The following GCNT2 variants were observed in gnomAD, a reference collection of about 807,000 sequenced individuals.
The protein encoded by GCNT2 is glucosaminyl (N-acetyl) transferase 2 (I blood group), also known as N-acetyllactosaminide beta-1,6-N-acetylglucosaminyl-transferase.
In GCNT2, 34 loss-of-function variants were observed where a neutral mutation model predicts 34.2. The observed-to-expected ratio is 1.00, with a 90% confidence interval of 0.76 to 1.32. The LOEUF (loss-of-function observed/expected upper bound fraction) is 1.32, where lower values mean the gene tolerates loss of function less well. Among genes scored for constraint, GCNT2 ranks in the 40% most tolerant of loss-of-function variants. The probability of loss-of-function intolerance (pLI) is 0.00; values close to 1 mark genes in which losing one functional copy is unlikely to be tolerated. For missense variants in GCNT2, 584 were observed against 489.4 expected, an observed-to-expected ratio of 1.19 and a Z score of -1.82; for synonymous variants, 212 against 188.0, an observed-to-expected ratio of 1.13 and a Z score of -1.04.
chr6:10,553,781 C>A (rs2113647940), intron 3 of GCNT2, among the ~76,000 whole-genome samples: 2 of 152,332 alleles, frequency 1.3e-5, no homozygotes, highest in Admixed American at 1.3e-4. Context: ...GTAATCCCAG[C>A]TACTTGTGAG....
chr6:10,570,513 T>A (rs1314171290), intron 3 of GCNT2, among the ~76,000 whole-genome samples: 1 of 152,256 alleles, frequency 6.6e-6, no homozygotes, highest in Non-Finnish European at 1.5e-5. Context: ...GATACTCATG[T>A]CATACTGATA....
rs1764080857 is a variant in GCNT2 at position 10,581,843 on chromosome 6, A to C, written c.926-39508A>C. ...ACCTGCCAAGGACAAATTTTACAGAAAAGGGTGTGGTTCTAGTAAGAATGA... is the reference window on the plus strand; with the variant it reads ...ACCTGCCAAGGACAAATTTTACAGACAAGGGTGTGGTTCTAGTAAGAATGA... On this transcript the variant is annotated intron_variant, in intron 3 of 4. Transcript: ENST00000495262. 9 of 984,916 alleles carry C rather than the reference A, an allele frequency of 9.1e-6. No homozygotes were observed. In the South Asian group the frequency reaches 4.2e-4, roughly 46 times the overall value. 61.0% of individuals were successfully genotyped at this position (984,916 alleles called of 1,614,324 possible).
chr6:10,582,615 T>C (rs1376988410), intron 3 of GCNT2, among the ~76,000 whole-genome samples: 1 of 134,222 alleles, frequency 7.5e-6, no homozygotes, highest in Non-Finnish European at 1.6e-5. Context: ...TTTATATAAA[T>C]ATATATATTT....
chr6:10,619,314 T>C (rs760712965), intron 3 of GCNT2: 3 of 152,144 alleles, frequency 2.0e-5, no homozygotes, highest in Non-Finnish European at 2.9e-5. Flanking sequence ...CCCCAGTAGC[T>C]GGGACTACAA....
intron 3 of GCNT2, among the ~76,000 whole-genome samples, chr6:10,592,352 T>C (rs1050398444): frequency 1.6e-4 from 24 of 152,220 alleles, no homozygotes; most frequent in Non-Finnish European, 2.9e-4. Context: ...TGGACCAGTC[T>C]GGCTTATTTA....
chr6:10,605,223 T>TC, intron 3 of GCNT2, among the ~76,000 whole-genome samples: 1 of 146,292 alleles, frequency 6.8e-6, no homozygotes, highest in East Asian at 2.0e-4. Flanking sequence ...TTTTTTTTTT[T>TC]TTTTTTTTTT....
In GCNT2 at chr6:10,626,799, A is replaced by G; in HGVS notation, c.*192A>G. ...ATACACTAACAGGATGGCTGGGTAG[A>G]GCAATCTGGGCACTTTGGCCAATTT... is the stretch of plus-strand genomic sequence containing the variant. On this transcript the variant is annotated 3_prime_UTR_variant, in exon 5 of 5. Transcript: ENST00000495262. 1 of 592,444 alleles carries G rather than the reference A, an allele frequency of 1.7e-6. No homozygotes were observed. The highest frequency in any genetic ancestry group is 3.0e-6 in the Non-Finnish European group (1 of 331,394). 36.7% of individuals were successfully genotyped at this position (592,444 alleles called of 1,614,324 possible).
At chr6:10,597,159 T>A (rs1764890217) in intron 3 of GCNT2, among the ~76,000 whole-genome samples, 1 of 148,896 alleles carries the variant, frequency 6.7e-6, no homozygotes. Flanking sequence ...TTGCCTTTTT[T>A]TTTTTTTTTT....
At chr6:10,621,064 C>T in intron 3 of GCNT2, among the ~76,000 whole-genome samples, 1 of 152,154 alleles carries the variant, frequency 6.6e-6, no homozygotes, top group South Asian at 2.1e-4. Context: ...ACCCCTCAAC[C>T]GAATTAGGTA....
chr6:10,537,698 C>CAAAAAAAAAA (rs201257236), intron 3 of GCNT2, among the ~76,000 whole-genome samples: 40 of 83,196 alleles, frequency 4.8e-4, no homozygotes, highest in Non-Finnish European at 6.3e-4. Flanking sequence ...GATTCTGCCG[C>CAAAAAAAAAA]AAAAAAAAAA....
chr6:10,588,785 ATG>A (rs60988454), intron 3 of GCNT2, among the ~76,000 whole-genome samples: 63,811 of 134,816 alleles, frequency 0.47, 13,796 homozygotes, highest in East Asian at 0.62. Context: ...TGTGTGTGTG[ATG>A]TGTGTGTGTG....
rs561362734 is a variant in GCNT2 at position 10,532,001 on chromosome 6, C to G, written c.925+2165C>G. 2.6e-5 allele frequency among the ~76,000 whole-genome samples: 4 copies of G among 151,590 alleles called. No individual in the cohort carries two copies. The South Asian group carries it at 8.3e-4, about 32-fold the overall frequency. On this transcript the variant is annotated intron_variant, in intron 3 of 4. Coordinates refer to ENST00000495262, the MANE Select transcript of GCNT2 (RefSeq NM_145649.5). Reference sequence around the variant, plus strand: ...ATTTGCTCAGGAAAGAGAAATTAGACCAACTCTGTCGTTTTGGAAGTAGAA... The same window carrying G: ...ATTTGCTCAGGAAAGAGAAATTAGAGCAACTCTGTCGTTTTGGAAGTAGAA...
chr6:10,536,536 A>G lies in GCNT2; in HGVS notation c.925+6700A>G, dbSNP rs536597638. On this transcript the variant is annotated intron_variant, in intron 3 of 4. Transcript: ENST00000495262. Reference sequence around the variant, plus strand: ...TGCCCGGCTAATTTTTTGTATATTTAGTAGAGACGGGGTTTCACCATGTTG... The same window carrying G: ...TGCCCGGCTAATTTTTTGTATATTTGGTAGAGACGGGGTTTCACCATGTTG... 5.6e-4 allele frequency among the ~76,000 whole-genome samples: 84 copies of G among 150,124 alleles called. 3 individuals carry two copies. In the South Asian group the frequency reaches 0.017, roughly 30 times the overall value.
Position 10,528,873 on chromosome 6 carries a change from T to A in GCNT2, c.-39T>A. ...TAAATATATCTACACTCTGATCCTA[T>A]CTCAAGAGAGAGATATTTTACTCAT... On this transcript the variant is annotated 5_prime_UTR_variant, in exon 3 of 5. Transcript: ENST00000495262. 6.8e-7 allele frequency: 1 copy of A among 1,470,980 alleles called. No homozygotes were observed. The highest frequency in any genetic ancestry group is 9.5e-7 in the Non-Finnish European group (1 of 1,050,376). The allele number at this position is 1,470,980 out of a possible 1,614,324, so 91.1% of individuals were successfully genotyped here. A position where few individuals can be genotyped will look rare whatever the true frequency, so the allele number is the denominator to read the frequency against.
intron 3 of GCNT2, among the ~76,000 whole-genome samples, chr6:10,565,728 C>G (rs1179495136): frequency 6.6e-6 from 1 of 152,144 alleles, no homozygotes; most frequent in South Asian, 2.1e-4. Context: ...CTTTTCCCCC[C>G]ACACCACCGG....
chr6:10,533,563 G>A (rs1054456253), intron 3 of GCNT2, among the ~76,000 whole-genome samples: 6 of 151,710 alleles, frequency 4.0e-5, no homozygotes, highest in South Asian at 2.1e-4. Flanking sequence ...CGAGGTGGGC[G>A]GATCACTTGA....
At chr6:10,617,836 C>A (rs1478539339) in intron 3 of GCNT2, among the ~76,000 whole-genome samples, 1 of 150,318 alleles carries the variant, frequency 6.7e-6, no homozygotes, top group African/African-American at 2.5e-5. Context: ...CTCACTGCAA[C>A]CTCCACCTCC....
Position 10,626,846 on chromosome 6 carries a change from C to T in GCNT2, c.*239C>T, listed in dbSNP as rs1581501141. On this transcript the variant is annotated 3_prime_UTR_variant, in exon 5 of 5. Coordinates refer to ENST00000495262, the MANE Select transcript of GCNT2 (RefSeq NM_145649.5). ...ATTTTAGTCTTGCTGTTTCTTGATGCTCACCTCTATATTAGTTTATTGTTA... is the reference window on the plus strand; with the variant it reads ...ATTTTAGTCTTGCTGTTTCTTGATGTTCACCTCTATATTAGTTTATTGTTA... The T allele has an allele frequency of 7.4e-6, 4 of 539,724 alleles. No individual in the cohort carries two copies. In the East Asian group the frequency reaches 1.3e-4, roughly 17 times the overall value. The allele number at this position is 539,724 out of a possible 1,614,324, so 33.4% of individuals were successfully genotyped here.
intron 3 of GCNT2, among the ~76,000 whole-genome samples, chr6:10,553,477 T>C (rs1260014706): frequency 6.6e-6 from 1 of 152,238 alleles, no homozygotes; most frequent in Non-Finnish European, 1.5e-5. Flanking sequence ...AGGAGGGCAA[T>C]CTTTTCCCCC....
Sources: allele counts gnomAD v4.1 joint callset (sites outside exome capture counted in the v4.1 genomes callset), GRCh38; gene constraint gnomAD v4.1.1; transcripts MANE v1.5; gene names NCBI Gene and HGNC (gene_info 2026-07-23, HGNC 2026-07-21).